PPP1R12A: variants seen among roughly 807,000 people sequenced by gnomAD.
PPP1R12A encodes myosin binding subunit.
In PPP1R12A, 19 loss-of-function variants were observed where a neutral mutation model predicts 139.6. The ratio of observed to expected loss-of-function variants is 0.14; its 90% CI spans 0.09 to 0.20. The LOEUF (loss-of-function observed/expected upper bound fraction) is 0.20. Among genes scored for constraint, PPP1R12A ranks in the 10% least tolerant of loss-of-function variants. The pLI is 1.00. For missense variants in PPP1R12A, 925 were observed against 1,211.5 expected (o/e 0.76, Z 3.51); for synonymous variants, 427 against 420.6 (o/e 1.02, Z -0.19).
At chr12:79,828,257 A>C in intron 5 of PPP1R12A, 63 bp downstream of exon 5, 2 of 1,397,596 alleles carry the variant, frequency 1.4e-6, no homozygotes, top group Non-Finnish European at 1.9e-6. Flanking sequence ...TATATTTCTA[A>C]ATATACTTTC....
At chr12:79,830,320 T>C (rs1449049557) in intron 4 of PPP1R12A, among the ~76,000 whole-genome samples, 1 of 152,178 alleles carries the variant, frequency 6.6e-6, no homozygotes, top group Non-Finnish European at 1.5e-5. Context: ...CATTTCATAA[T>C]ATACCCTAGT....
chr12:79,836,535 G>A (rs185952050), intron 3 of PPP1R12A, among the ~76,000 whole-genome samples: 136 of 151,908 alleles, frequency 9.0e-4, no homozygotes, highest in African/African-American at 3.1e-3. Flanking sequence ...TCCAAATCGT[G>A]CTCACATCTG....
At chr12:79,890,429 T>G (rs1884479804) in intron 1 of PPP1R12A, among the ~76,000 whole-genome samples, 1 of 152,106 alleles carries the variant, frequency 6.6e-6, no homozygotes, top group Non-Finnish European at 1.5e-5. Flanking sequence ...TACACAAAAA[T>G]ATCCACTGAA....
At chr12:79,919,284 C>T (rs184739855) in intron 1 of PPP1R12A, among the ~76,000 whole-genome samples, 16 of 152,070 alleles carry the variant, frequency 1.1e-4, no homozygotes, top group Admixed American at 5.2e-4. Context: ...CAGCCGGGCG[C>T]GGTGGCTCAC....
intron 9 of PPP1R12A, among the ~76,000 whole-genome samples, chr12:79,812,346 T>C (rs1452344027): frequency 6.6e-6 from 1 of 151,246 alleles, no homozygotes; most frequent in East Asian, 1.9e-4. Context: ...ACCTTCTTTT[T>C]CTTTTTACTC....
At chr12:79,809,400 TA>T (rs1324901607) in intron 10 of PPP1R12A, among the ~76,000 whole-genome samples, 6 of 152,306 alleles carry the variant, frequency 3.9e-5, no homozygotes, top group Middle Eastern at 6.8e-3. Flanking sequence ...AAAAATCTGG[TA>T]TTTTTTTTCA....
intron 1 of PPP1R12A, among the ~76,000 whole-genome samples, chr12:79,903,578 T>C (rs911955048): frequency 2.6e-5 from 4 of 152,172 alleles, no homozygotes; most frequent in Admixed American, 2.0e-4. Context: ...CATGCAAATA[T>C]TCCAAAATTA....
In PPP1R12A at chr12:79,777,073, T is replaced by G. The variant is rs1300260676; in HGVS notation, c.3007-1058A>C. 3.1e-5 allele frequency: 23 copies of G among 743,360 alleles called. No homozygotes were observed. In the South Asian group the frequency reaches 1.4e-3, roughly 46 times the overall value. 46.0% of individuals were successfully genotyped at this position (743,360 alleles called of 1,614,324 possible). ...CATTTGAATATTTGTAATATAAACT[T>G]AAATATAAACTAATGTGGTTCTGAC... On this transcript the variant is annotated intron_variant, in intron 24 of 24. Coordinates refer to ENST00000450142, the MANE Select transcript of PPP1R12A (RefSeq NM_002480.3).
chr12:79,826,061 T>C (rs894058838), intron 5 of PPP1R12A, among the ~76,000 whole-genome samples: 2 of 151,938 alleles, frequency 1.3e-5, no homozygotes, highest in African/African-American at 2.4e-5. Context: ...AAGAAAAATA[T>C]TTTGATTAAA....
chr12:79,797,269 GTTTCTC>G lies in PPP1R12A; in HGVS notation c.2212_2217del (p.Glu738_Lys739del), dbSNP rs1565744023. Reference sequence around the variant, plus strand: ...GTTTCTGACTCCTTCTTTTCTTCTTGTTTCTCTTTATCTTGTTTCTCTTTTTCCTCT... The same window carrying G: ...GTTTCTGACTCCTTCTTTTCTTCTTGTTTATCTTGTTTCTCTTTTTCCTCT... On this transcript the variant is annotated inframe_deletion, in exon 16 of 25. Transcript: ENST00000450142. 3 of 1,586,710 alleles carry G rather than the reference GTTTCTC, an allele frequency of 1.9e-6. No individual in the cohort carries two copies. Among genetic ancestry groups the G allele is most frequent in the African/African-American group, 1.3e-5 (1 of 74,426 alleles).
intron 1 of PPP1R12A, among the ~76,000 whole-genome samples, chr12:79,895,632 C>T (rs1885063087): frequency 6.6e-6 from 1 of 152,092 alleles, no homozygotes; most frequent in Non-Finnish European, 1.5e-5. Context: ...ATACATAAGA[C>T]ATAAAGGTAT....
chr12:79,796,700 C>T, intron 17 of PPP1R12A, 82 bp downstream of exon 17: 1 of 1,147,508 alleles, frequency 8.7e-7, no homozygotes, highest in Non-Finnish European at 1.2e-6. Context: ...TGTTCCTTTA[C>T]TGTTGAATTA....
intron 22 of PPP1R12A, among the ~76,000 whole-genome samples, chr12:79,785,811 T>TTA (rs1483537305): frequency 1.3e-5 from 2 of 152,294 alleles, no homozygotes; most frequent in South Asian, 4.1e-4. Flanking sequence ...CCAGAACTAA[T>TTA]GTTCCATGGA....
rs778504852 is a variant in PPP1R12A at position 79,795,645 on chromosome 12, G to C, written c.2576C>G (p.Thr859Arg). The C allele has an allele frequency of 1.9e-6, 3 of 1,610,416 alleles. No homozygotes were observed. In the Admixed American group the frequency reaches 5.0e-5, roughly 27 times the overall value. The part of the protein sequence containing the change: ...KRRSTGVSFW[T>R]QDSDENEQEQ... Reference sequence around the variant, plus strand: ...ATTTTAATAGGTTCTCACATCTTGTGTCCAAAATGAAACTCCTGTAGATCT... The same window carrying C: ...ATTTTAATAGGTTCTCACATCTTGTCTCCAAAATGAAACTCCTGTAGATCT... The change falls in exon 18 of 25, where the codon ACA (threonine) becomes AGA (arginine). Residue 859 changes from threonine (T) to arginine (R), a missense_variant. Coordinates refer to ENST00000450142, the MANE Select transcript of PPP1R12A (RefSeq NM_002480.3).
At chr12:79,784,403 T>C (rs1221894676) in intron 22 of PPP1R12A, among the ~76,000 whole-genome samples, 1 of 152,220 alleles carries the variant, frequency 6.6e-6, no homozygotes, top group African/African-American at 2.4e-5. Context: ...GGCAACTTTC[T>C]GTCCAGTGAC....
Position 79,911,997 on chromosome 12 carries a change from T to C in PPP1R12A, c.237+22698A>G, listed in dbSNP as rs184014033. ...TAGATCTGACCTCAACCTATCTCTATACTGTTTGCTATACCATTCTTCTCA... is the reference window on the plus strand; with the variant it reads ...TAGATCTGACCTCAACCTATCTCTACACTGTTTGCTATACCATTCTTCTCA... On this transcript the variant is annotated intron_variant, in intron 1 of 24. Transcript: ENST00000450142. 2.7e-3 allele frequency among the ~76,000 whole-genome samples: 417 copies of C among 152,346 alleles called. 3 individuals are homozygous for C. The highest frequency in any genetic ancestry group is 0.017 in the Middle Eastern group (5 of 294).
At chr12:79,859,355 A>AG (rs1309191600) in intron 2 of PPP1R12A, among the ~76,000 whole-genome samples, 2 of 139,516 alleles carry the variant, frequency 1.4e-5, no homozygotes, top group Non-Finnish European at 3.1e-5. Flanking sequence ...AAAAAGAAAG[A>AG]AAAAAAAAAA....
At position 79,793,852 on chromosome 12, in the gene PPP1R12A, A is replaced by T; in HGVS notation, c.2649+11T>A. 6.4e-7 allele frequency: 1 copy of T among 1,555,676 alleles called. No homozygotes were observed. Among genetic ancestry groups the T allele is most frequent in the Non-Finnish European group, 8.8e-7 (1 of 1,142,430 alleles). ...TGAATACTTCTCAATACAAAAAGTAATGGTATTTACCTGAGTTTCTTTCTT... is the reference window on the plus strand; with the variant it reads ...TGAATACTTCTCAATACAAAAAGTATTGGTATTTACCTGAGTTTCTTTCTT... On this transcript the variant is annotated intron_variant, in intron 19 of 24. Coordinates refer to ENST00000450142, the MANE Select transcript of PPP1R12A (RefSeq NM_002480.3).
In PPP1R12A at chr12:79,832,246, TA is replaced by T. The variant is rs1877517282; in HGVS notation, c.647+85del. On this transcript the variant is annotated intron_variant, in intron 4 of 24. Coordinates refer to ENST00000450142, the MANE Select transcript of PPP1R12A (RefSeq NM_002480.3). ...AGAACTCTTTTATGTTGCTTCAAAATAACGTTTGCAGGTATTTTAAGAAAAG... is the reference window on the plus strand; with the variant it reads ...AGAACTCTTTTATGTTGCTTCAAAATACGTTTGCAGGTATTTTAAGAAAAG... 6 of 1,299,746 alleles carry T rather than the reference TA, an allele frequency of 4.6e-6. No individual in the cohort carries two copies. In the East Asian group the frequency reaches 1.5e-4, roughly 33 times the overall value. 80.5% of individuals were successfully genotyped at this position (1,299,746 alleles called of 1,614,324 possible). A position where few individuals can be genotyped will look rare whatever the true frequency, so the allele number is the denominator to read the frequency against.
Sources: gnomAD v4.1 joint callset for allele counts (sites outside exome capture counted in the v4.1 genomes callset) on GRCh38, gnomAD v4.1.1 for gene constraint, MANE v1.5 for transcripts, NCBI Gene and HGNC (gene_info 2026-07-23, HGNC 2026-07-21) for gene names.